LAMA2: variants seen among roughly 807,000 people sequenced by gnomAD.
LAMA2 encodes the protein laminin subunit alpha 2.
In LAMA2, 269 loss-of-function variants were observed where a neutral mutation model predicts 364.8. The observed-to-expected ratio is 0.74, with a 90% CI of 0.67 to 0.82. LAMA2 has a LOEUF of 0.82. Among genes scored for constraint, LAMA2 ranks in the 40% least tolerant of loss-of-function variants. The probability of loss-of-function intolerance (pLI) is 0.00; values close to 1 mark genes in which losing one functional copy is unlikely to be tolerated. For missense variants in LAMA2, 3,807 were observed against 3,873.2 expected (o/e 0.98, Z 0.45); for synonymous variants, 1,379 against 1,370.6 (o/e 1.01, Z -0.14).
At chr6:129,227,944 G>A (rs1319707550) in intron 12 of LAMA2, among the ~76,000 whole-genome samples, 1 of 152,186 alleles carries the variant, frequency 6.6e-6, no homozygotes, top group East Asian at 1.9e-4. Flanking sequence ...TACAGAGGCA[G>A]GCAGGCATCC....
chr6:129,213,054 G>A (rs1783199759), intron 12 of LAMA2, among the ~76,000 whole-genome samples: 1 of 152,126 alleles, frequency 6.6e-6, no homozygotes, highest in South Asian at 2.1e-4. Flanking sequence ...CAAAAGTGGG[G>A]TTGACCATTT....
At chr6:129,196,337 A>G (rs959256477) in intron 12 of LAMA2, among the ~76,000 whole-genome samples, 1 of 152,200 alleles carries the variant, frequency 6.6e-6, no homozygotes, top group Non-Finnish European at 1.5e-5. Flanking sequence ...GAAGAAGGAA[A>G]CTGATATTTG....
chr6:128,947,652 G>A (rs913980605), intron 1 of LAMA2, among the ~76,000 whole-genome samples: 4 of 152,112 alleles, frequency 2.6e-5, no homozygotes, highest in African/African-American at 9.7e-5. Flanking sequence ...TATAACCTGA[G>A]AGATAAACAT....
chr6:129,167,144 T>G (rs1562292847), intron 9 of LAMA2, among the ~76,000 whole-genome samples: 1 of 152,092 alleles, frequency 6.6e-6, no homozygotes. Context: ...ATATTGAGCC[T>G]TTTTTCCGAT....
chr6:128,897,823 C>T (rs1327440346), intron 1 of LAMA2, among the ~76,000 whole-genome samples: 2 of 152,128 alleles, frequency 1.3e-5, no homozygotes, highest in Non-Finnish European at 1.5e-5. Context: ...GAAGTCCTAT[C>T]GGCCAGTTTA....
chr6:129,453,105 CT>C lies in LAMA2; in HGVS notation c.6548del (p.Leu2183ProfsTer15). On this transcript the variant is annotated frameshift_variant, in exon 46 of 65. Transcript: ENST00000421865. LOFTEE classifies it high-confidence loss of function. ...AAAGACAGCTGTTGCTGATAACCTCCTCTTTTATCTTGGAAGTGCCAAATTT... is the reference window on the plus strand; with the variant it reads ...AAAGACAGCTGTTGCTGATAACCTCCCTTTTATCTTGGAAGTGCCAAATTT... ...NVKTAVADNL[L>X]FYLGSAKFID... 1 of 1,612,966 alleles carries C rather than the reference CT, an allele frequency of 6.2e-7. No homozygotes were observed.
At chr6:129,374,804 C>G (rs569779863) in intron 34 of LAMA2, among the ~76,000 whole-genome samples, 3 of 149,128 alleles carry the variant, frequency 2.0e-5, no homozygotes, top group Admixed American at 2.0e-4. Context: ...AGGCTGGTCT[C>G]GAACCCCTGA....
At chr6:129,436,251 T>C (rs1031068130) in intron 41 of LAMA2, among the ~76,000 whole-genome samples, 1 of 152,086 alleles carries the variant, frequency 6.6e-6, no homozygotes, top group Non-Finnish European at 1.5e-5. Flanking sequence ...CACTATTAAT[T>C]ACTGTAAAGG....
chr6:129,422,061 T>C (rs973767850), intron 40 of LAMA2, among the ~76,000 whole-genome samples: 2 of 152,100 alleles, frequency 1.3e-5, no homozygotes, highest in African/African-American at 2.4e-5. Flanking sequence ...ACCTGTCTAA[T>C]AGCCTTACTT....
At chr6:129,246,729 C>T (rs1271020908) in intron 12 of LAMA2, among the ~76,000 whole-genome samples, 1 of 152,028 alleles carries the variant, frequency 6.6e-6, no homozygotes, top group South Asian at 2.1e-4. Flanking sequence ...AGAGAGTAAA[C>T]GTTAGGATAC....
At chr6:129,056,632 TGTTTTCA>T (rs1475990522) in intron 2 of LAMA2, among the ~76,000 whole-genome samples, 10 of 152,200 alleles carry the variant, frequency 6.6e-5, no homozygotes, top group African/African-American at 1.9e-4. Context: ...ATAGTCTTCA[TGTTTTCA>T]GTAAATGTTA....
At chr6:129,062,756 C>T (rs1412559912) in intron 3 of LAMA2, among the ~76,000 whole-genome samples, 3 of 152,062 alleles carry the variant, frequency 2.0e-5, no homozygotes, top group Non-Finnish European at 2.9e-5. Context: ...GAGACTTGAC[C>T]ATTTATTAGT....
In LAMA2 at chr6:129,349,332, G is replaced by A. The variant is rs375640462; in HGVS notation, c.4471G>A (p.Asp1491Asn). 9.9e-5 allele frequency: 159 copies of A among 1,613,436 alleles called. No individual in the cohort carries two copies. The South Asian group carries it at 1.2e-3, about 12-fold the overall frequency. Residue 1491 changes from aspartate (D) to asparagine (N), a missense_variant, in exon 31 of 65, where the codon GAC becomes AAC. Asp to Asn is a conservative substitution (Grantham distance 23, BLOSUM62 1). Transcript: ENST00000421865. The stretch of plus-strand genomic sequence containing the variant: ...CTCTTGTGTCGCAGAAGGACTTGAC[G>A]ACTACCGCTGCACGGCTTGTCCACG... ...SPSCVAEGLDDYRCTACPRGY... is the reference protein window; with the variant it reads ...SPSCVAEGLDNYRCTACPRGY...
intron 1 of LAMA2, among the ~76,000 whole-genome samples, chr6:128,891,248 T>C (rs978080261): frequency 1.3e-4 from 20 of 152,278 alleles, no homozygotes; most frequent in Non-Finnish European, 5.9e-5. Context: ...GAGACAATTA[T>C]AATATTCCAT....
chr6:129,063,199 C>A (rs1789051071), intron 3 of LAMA2, among the ~76,000 whole-genome samples: 1 of 151,946 alleles, frequency 6.6e-6, no homozygotes, highest in Non-Finnish European at 1.5e-5. Flanking sequence ...TTCCATCTCA[C>A]AATTACAGCT....
At chr6:129,172,151 G>A (rs1175806582) in intron 9 of LAMA2, among the ~76,000 whole-genome samples, 26 of 151,440 alleles carry the variant, frequency 1.7e-4, no homozygotes, top group South Asian at 6.3e-4. Flanking sequence ...TAATTTGATC[G>A]TCTGAAGCCT....
rs1000050727 is a variant in LAMA2 at position 129,157,487 on chromosome 6, T to G, written c.1206+2804T>G. 4 of 1,609,908 alleles carry G rather than the reference T, an allele frequency of 2.5e-6. No homozygotes were observed. The African/African-American group carries it at 5.3e-5, about 22-fold the overall frequency. ...CCCATGCCATGGGTAAAAACAGTTCTTGCAGTCTAGAGTTTCTCCTCCGAT... is the reference window on the plus strand; with the variant it reads ...CCCATGCCATGGGTAAAAACAGTTCGTGCAGTCTAGAGTTTCTCCTCCGAT... On this transcript the variant is annotated intron_variant, in intron 8 of 64. Coordinates refer to ENST00000421865, the MANE Select transcript of LAMA2 (RefSeq NM_000426.4).
At chr6:129,349,238 T>C (rs1057367271) in intron 30 of LAMA2, 60 bp from the exon 31 acceptor site, 8 of 1,287,798 alleles carry the variant, frequency 6.2e-6, no homozygotes, top group Middle Eastern at 1.8e-4. Flanking sequence ...TGGATAGGAA[T>C]ACTATTTTAT....
intron 40 of LAMA2, among the ~76,000 whole-genome samples, chr6:129,424,880 A>G (rs1193207373): frequency 6.6e-6 from 1 of 152,040 alleles, no homozygotes; most frequent in Admixed American, 6.5e-5. Context: ...AAATGATGGC[A>G]TATGTTCACC....
Sources: gnomAD v4.1 joint callset for allele counts (sites outside exome capture counted in the v4.1 genomes callset) on GRCh38, gnomAD v4.1.1 for gene constraint, MANE v1.5 for transcripts, NCBI Gene and HGNC (gene_info 2026-07-23, HGNC 2026-07-21) for gene names.